ARIH2: variants seen among roughly 807,000 people sequenced by gnomAD.
The protein encoded by ARIH2 is E3 ubiquitin-protein ligase ARIH2.
Under a neutral mutation model 79.8 loss-of-function variants are expected in ARIH2, and 12 were observed. The ratio of observed to expected loss-of-function variants is 0.15; its 90% CI spans 0.10 to 0.24. The LOEUF (loss-of-function observed/expected upper bound fraction) is 0.24, where lower values mean the gene tolerates loss of function less well. ARIH2 is among the 10% of genes least tolerant of loss of function. The probability of loss-of-function intolerance (pLI) is 1.00; values close to 1 mark genes in which losing one functional copy is unlikely to be tolerated. For missense variants in ARIH2, 301 were observed against 618.3 expected, an observed-to-expected ratio of 0.49 and a Z score of 5.44; for synonymous variants, 224 against 213.9, an observed-to-expected ratio of 1.05 and a Z score of -0.41.
intron 3 of ARIH2, among the ~76,000 whole-genome samples, chr3:48,952,693 A>T (rs1174026276): frequency 6.6e-6 from 1 of 152,090 alleles, no homozygotes; most frequent in Non-Finnish European, 1.5e-5. Context: ...AGGAGTGGGA[A>T]TGTGGTGCCC....
At chr3:48,938,929 A>C (rs1370025870) in intron 3 of ARIH2, among the ~76,000 whole-genome samples, 2 of 150,870 alleles carry the variant, frequency 1.3e-5, no homozygotes, top group African/African-American at 2.4e-5. Context: ...AAAAAAAAAA[A>C]AAAAAAAAAA....
chr3:48,958,192 G>A (rs1043696548), intron 3 of ARIH2, among the ~76,000 whole-genome samples: 1 of 152,106 alleles, frequency 6.6e-6, no homozygotes, highest in Non-Finnish European at 1.5e-5. Context: ...GTGGTGGTGT[G>A]GGCTTGTAGT....
chr3:48,919,860 T>C (rs2084527772), intron 1 of ARIH2, among the ~76,000 whole-genome samples: 1 of 152,154 alleles, frequency 6.6e-6, no homozygotes, highest in Admixed American at 6.6e-5. Context: ...AGTGATCATA[T>C]CTGGAGTAAA....
chr3:48,966,882 G>A (rs547031888), intron 5 of ARIH2, among the ~76,000 whole-genome samples: 1 of 152,266 alleles, frequency 6.6e-6, no homozygotes, highest in Admixed American at 6.5e-5. Context: ...TTTCAGCCTT[G>A]TTTCTGCCTC....
At chr3:48,974,332 G>A (rs148777784) in intron 9 of ARIH2, among the ~76,000 whole-genome samples, 1 of 152,290 alleles carries the variant, frequency 6.6e-6, no homozygotes, top group East Asian at 1.9e-4. Flanking sequence ...TCACGGCAGT[G>A]GGAGATCACA....
Position 48,967,316 on chromosome 3 carries a change from G to A in ARIH2, c.538+41G>A, listed in dbSNP as rs190390844. ...AACTTATAAAAAGCTGGCATGAAGT[G>A]TTTATCTTTGACTCTGCCTTTTCAT... On this transcript the variant is annotated intron_variant, in intron 6 of 15. Coordinates refer to ENST00000356401, the MANE Select transcript of ARIH2 (RefSeq NM_006321.4). The A allele has an allele frequency of 3.3e-3, 5,281 of 1,592,514 alleles. 9 individuals carry two copies. Among genetic ancestry groups the A allele is most frequent in the Non-Finnish European group, 4.1e-3 (4,756 of 1,167,460 alleles).
rs200281302 is a variant in ARIH2, at chr3:48,981,652, T to C, written c.1258-8T>C. 19 of 1,612,310 alleles carry C rather than the reference T, an allele frequency of 1.2e-5. No individual in the cohort carries two copies. The East Asian group carries it at 4.0e-4, about 34-fold the overall frequency. On this transcript the variant is annotated splice_region_variant and splice_polypyrimidine_tract_variant and intron_variant, in intron 13 of 15. Coordinates refer to ENST00000356401, the MANE Select transcript of ARIH2 (RefSeq NM_006321.4). ...GACACAGGTTCCTTCTCTTCTCTCC[T>C]GTTGCAGTGTCGATACACCCTGCAA...
intron 3 of ARIH2, among the ~76,000 whole-genome samples, chr3:48,952,612 A>G (rs964794513): frequency 6.6e-6 from 1 of 152,128 alleles, no homozygotes; most frequent in African/African-American, 2.4e-5. Flanking sequence ...TGGAGTGGTG[A>G]TGATGGGAGA....
chr3:48,963,675 G>C (rs1193364726), intron 4 of ARIH2, among the ~76,000 whole-genome samples: 1 of 152,198 alleles, frequency 6.6e-6, no homozygotes, highest in Non-Finnish European at 1.5e-5. Context: ...ATTCCAGGTT[G>C]TTTTCCAGAG....
At chr3:48,971,781 G>A (rs1043273012) in intron 8 of ARIH2, among the ~76,000 whole-genome samples, 2 of 152,056 alleles carry the variant, frequency 1.3e-5, no homozygotes, top group East Asian at 1.9e-4. Flanking sequence ...TTTTAAATCC[G>A]GCAGCCCCCA....
At chr3:48,969,897 T>TC (rs948845319) in intron 7 of ARIH2, among the ~76,000 whole-genome samples, 1 of 151,392 alleles carries the variant, frequency 6.6e-6, no homozygotes, top group African/African-American at 2.4e-5. Context: ...TATATGTTTT[T>TC]TTTTTTTTTT....
At chr3:48,981,931 C>T (rs2092765656) in intron 14 of ARIH2, among the ~76,000 whole-genome samples, 1 of 152,182 alleles carries the variant, frequency 6.6e-6, no homozygotes, top group Admixed American at 6.5e-5. Flanking sequence ...ATATAAGGCA[C>T]ATGCACCTAA....
intron 4 of ARIH2, among the ~76,000 whole-genome samples, chr3:48,963,196 C>A (rs1374438514): frequency 1.3e-5 from 2 of 152,124 alleles, no homozygotes; most frequent in Non-Finnish European, 2.9e-5. Flanking sequence ...CCTGTGTACT[C>A]AAGAACGGAA....
At chr3:48,944,517 G>A (rs2088831340) in intron 3 of ARIH2, among the ~76,000 whole-genome samples, 3 of 152,130 alleles carry the variant, frequency 2.0e-5, no homozygotes, top group Admixed American at 1.3e-4. Flanking sequence ...GGGTACCTCA[G>A]TTACAAGTCA....
At chr3:48,934,315 C>G in intron 3 of ARIH2, 2 of 779,302 alleles carry the variant, frequency 2.6e-6, no homozygotes, top group Non-Finnish European at 3.1e-6. Flanking sequence ...TAACAAGTAT[C>G]TGGTGAAAAC....
intron 3 of ARIH2, among the ~76,000 whole-genome samples, chr3:48,953,426 C>T (rs1048732991): frequency 5.3e-5 from 8 of 151,922 alleles, no homozygotes; most frequent in Non-Finnish European, 8.8e-5. Context: ...TTATTTTAGA[C>T]GGAGTCTCGC....
chr3:48,927,427 A>C, intron 2 of ARIH2, 35 bp from the exon 3 acceptor site: 1 of 1,161,604 alleles, frequency 8.6e-7, no homozygotes, highest in Non-Finnish European at 1.2e-6. Context: ...TGTCATGGGG[A>C]AAAAGTAACA....
At chr3:48,979,447 G>C in intron 11 of ARIH2, 35 bp from the exon 12 acceptor site, 12 of 1,604,646 alleles carry the variant, frequency 7.5e-6, no homozygotes, top group Non-Finnish European at 1.0e-5. Context: ...GAGTTGTCTT[G>C]TAGATGTAAA....
intron 3 of ARIH2, among the ~76,000 whole-genome samples, chr3:48,930,429 C>G (rs1482987526): frequency 6.6e-6 from 1 of 152,110 alleles, no homozygotes; most frequent in Non-Finnish European, 1.5e-5. Flanking sequence ...TTGCAGTGAG[C>G]TGAGATTGCC....
Sources: gnomAD v4.1 joint callset for allele counts (sites outside exome capture counted in the v4.1 genomes callset) on GRCh38, gnomAD v4.1.1 for gene constraint, MANE v1.5 for transcripts, NCBI Gene and HGNC (gene_info 2026-07-23, HGNC 2026-07-21) for gene names.